Variants in ZBED4 observed in about 807,000 individuals in gnomAD.
The protein encoded by ZBED4 is zinc finger BED-type containing 4.
In ZBED4, 4 loss-of-function variants were observed where a neutral mutation model predicts 15.5. That is an observed-to-expected ratio of 0.26 (90% CI 0.13 to 0.59). The LOEUF (loss-of-function observed/expected upper bound fraction) is 0.59. Ranked by LOEUF, ZBED4 falls within the 20% of genes least tolerant of loss-of-function variation. ZBED4 has a pLI of 0.90. For synonymous variants in ZBED4, 692 were observed against 608.5 expected (o/e 1.14, Z -2.02); for missense variants, 1,323 against 1,461.8 (o/e 0.91, Z 1.55).
intron 1 of ZBED4, among the ~76,000 whole-genome samples, chr22:49,880,295 T>C (rs1047571708): frequency 5.3e-5 from 8 of 152,180 alleles, no homozygotes; most frequent in Non-Finnish European, 8.8e-5. Context: ...GCAGTTCTTT[T>C]CCCCTTTGGT....
In ZBED4 at chr22:49,887,193, C is replaced by A. The variant is rs745659096; in HGVS notation, c.*15C>A. On this transcript the variant is annotated 3_prime_UTR_variant, in exon 2 of 2. Coordinates refer to ENST00000216268, the MANE Select transcript of ZBED4 (RefSeq NM_014838.3). ...TTCAGTATTGAAACTCACGACGGCA[C>A]CACTAGGCCAGAGGCGTGGCTGCCC... The A allele has an allele frequency of 6.3e-7, 1 of 1,593,114 alleles. No individual in the cohort carries two copies. Among genetic ancestry groups the A allele is most frequent in the Non-Finnish European group, 8.6e-7 (1 of 1,168,200 alleles).
chr22:49,886,495 C>T lies in ZBED4; in HGVS notation c.2833C>T (p.Arg945Trp), dbSNP rs141714707. 8.3e-6 allele frequency: 13 copies of T among 1,565,732 alleles called. No individual in the cohort carries two copies. The highest frequency in any genetic ancestry group is 1.4e-5 in the African/African-American group (1 of 73,890). The change falls in exon 2 of 2, where the codon CGG becomes TGG. Residue 945 changes from arginine to tryptophan, a missense_variant. By Grantham distance (101) the Arg-to-Trp change is moderately radical. Coordinates refer to ENST00000216268, the MANE Select transcript of ZBED4 (RefSeq NM_014838.3). This position sits in a 1 kb window ranked among gnomAD's most constrained non-coding sequence, Gnocchi z 7.7. ...GCTAAAGCCCTTCGAGGCTGCGAGC[C>T]GGGAGATGAGCACGCAGATGTCCAC... ...RALKPFEAAS[R>W]EMSTQMSTLS...
chr22:49,869,621 A>G (rs1225611334), intron 1 of ZBED4, among the ~76,000 whole-genome samples: 1 of 152,218 alleles, frequency 6.6e-6, no homozygotes, highest in African/African-American at 2.4e-5. Context: ...TCTCTTAAAA[A>G]GTCAGCAGTG....
chr22:49,876,637 C>T (rs1276124005), intron 1 of ZBED4, among the ~76,000 whole-genome samples: 1 of 151,998 alleles, frequency 6.6e-6, no homozygotes, highest in East Asian at 1.9e-4. Context: ...TTGTTTTTAG[C>T]CCTTTTCCTG....
At chr22:49,869,056 G>A (rs545142266) in intron 1 of ZBED4, among the ~76,000 whole-genome samples, 30 of 151,618 alleles carry the variant, frequency 2.0e-4, no homozygotes, top group Non-Finnish European at 3.5e-4. Flanking sequence ...CCCAGGAGGC[G>A]GAGGTTGGGT....
At chr22:49,862,898 C>T (rs1388895367) in intron 1 of ZBED4, among the ~76,000 whole-genome samples, 2 of 151,896 alleles carry the variant, frequency 1.3e-5, no homozygotes, top group Middle Eastern at 3.2e-3. Context: ...GACAGGGTTT[C>T]ACCCTGTTAG....
chr22:49,853,765 T>C (rs1225570141), upstream of ZBED4: 1 of 147,278 alleles, frequency 6.8e-6, no homozygotes, highest in Non-Finnish European at 1.5e-5. Flanking sequence ...ACACTGCGCC[T>C]GCGAGAGTAG....
intron 1 of ZBED4, among the ~76,000 whole-genome samples, chr22:49,880,750 GT>G (rs2060404941): frequency 1.3e-5 from 2 of 152,064 alleles, no homozygotes; most frequent in South Asian, 4.1e-4. Flanking sequence ...TTAGACTTCT[GT>G]TTATCAGCTA....
chr22:49,867,870 G>A (rs1036395189), intron 1 of ZBED4, among the ~76,000 whole-genome samples: 5 of 152,154 alleles, frequency 3.3e-5, no homozygotes, highest in Non-Finnish European at 7.3e-5. Flanking sequence ...CCCCTCAAAT[G>A]TGCTCAGACA....
At chr22:49,854,010 G>A (rs2060263517) in intron 1 of ZBED4, 21 bp downstream of exon 1, 1 of 145,042 alleles carries the variant, frequency 6.9e-6, no homozygotes, top group South Asian at 2.1e-4. Context: ...GGGCGCCGCC[G>A]CCCCGCCGCC....
chr22:49,873,675 G>C (rs924867711), intron 1 of ZBED4, among the ~76,000 whole-genome samples: 1 of 141,538 alleles, frequency 7.1e-6, no homozygotes, highest in African/African-American at 3.2e-5. Context: ...GCAGTAAAGC[G>C]AGGTGCGGTG....
rs541705104 is a variant in ZBED4, at chr22:49,886,131, G to T, written c.2469G>T (p.Ser823=). ...AGACGCTGAACGAGGGGGAGCACTCGAGCGTGCAGTGCTTCAGCCATACGG... is the reference window on the plus strand; with the variant it reads ...AGACGCTGAACGAGGGGGAGCACTCTAGCGTGCAGTGCTTCAGCCATACGG... ...IGKTLNEGEH[S]SVQCFSHTVN... The change falls in exon 2 of 2, where the codon TCG becomes TCT. Residue 823 remains serine (S), a synonymous_variant. Transcript: ENST00000216268. The surrounding 1 kb of genome is among the most constrained non-coding windows in gnomAD (Gnocchi z 7.7). The T allele has an allele frequency of 5.9e-6, 4 of 683,654 alleles. No individual in the cohort carries two copies. The East Asian group carries it at 9.9e-5, about 17-fold the overall frequency. The allele number at this position is 683,654 out of a possible 1,614,324, so 42.3% of individuals were successfully genotyped here. A position where few individuals can be genotyped will look rare whatever the true frequency, so the allele number is the denominator to read the frequency against.
chr22:49,876,212 G>C (rs1242106282), intron 1 of ZBED4, among the ~76,000 whole-genome samples: 4 of 152,082 alleles, frequency 2.6e-5, no homozygotes, highest in Non-Finnish European at 5.9e-5. Flanking sequence ...AGTCTGTCTT[G>C]GTGAAGGTTT....
intron 1 of ZBED4, among the ~76,000 whole-genome samples, chr22:49,872,831 G>A (rs772186193): frequency 1.3e-5 from 2 of 151,646 alleles, no homozygotes; most frequent in South Asian, 4.2e-4. Context: ...TCAGCCTCCC[G>A]AGTAGCTGGG....
intron 1 of ZBED4, among the ~76,000 whole-genome samples, chr22:49,867,092 T>C (rs1308298870): frequency 6.6e-6 from 1 of 152,234 alleles, no homozygotes; most frequent in Non-Finnish European, 1.5e-5. Flanking sequence ...ATCCATTTGG[T>C]GGGTTGTATT....
At chr22:49,882,712 G>A (rs1021947902) in intron 1 of ZBED4, among the ~76,000 whole-genome samples, 3 of 152,138 alleles carry the variant, frequency 2.0e-5, no homozygotes, top group African/African-American at 4.8e-5. Context: ...GTCAGGTCCC[G>A]TGACTGTCTC....
intron 1 of ZBED4, among the ~76,000 whole-genome samples, chr22:49,860,910 C>T (rs1256003738): frequency 6.6e-6 from 1 of 151,800 alleles, no homozygotes; most frequent in African/African-American, 2.4e-5. Flanking sequence ...TCCCGAGTAG[C>T]TGGGACTACA....
chr22:49,875,418 C>CTTTTT (rs55993655), intron 1 of ZBED4, among the ~76,000 whole-genome samples: 2 of 145,170 alleles, frequency 1.4e-5, no homozygotes, highest in Non-Finnish European at 3.0e-5. Flanking sequence ...AATTTATTTT[C>CTTTTT]TTTTTTTTTT....
chr22:49,872,307 G>A (rs935837644), intron 1 of ZBED4, among the ~76,000 whole-genome samples: 2 of 152,152 alleles, frequency 1.3e-5, no homozygotes, highest in Non-Finnish European at 2.9e-5. Context: ...CTAAGCAGCA[G>A]CTCCTCATTC....
Sources: gnomAD v4.1 joint callset for allele counts (sites outside exome capture counted in the v4.1 genomes callset) on GRCh38, gnomAD v4.1.1 for gene constraint, Gnocchi (gnomAD v3.1) non-coding constraint, MANE v1.5 for transcripts, NCBI Gene and HGNC (gene_info 2026-07-23, HGNC 2026-07-21) for gene names.